SND1: variants seen among roughly 807,000 people sequenced by gnomAD.
SND1 encodes the protein staphylococcal nuclease domain-containing protein 1.
A neutral mutation model predicts 121.7 loss-of-function variants in SND1; 38 were observed. The ratio of observed to expected loss-of-function variants is 0.31; its 90% confidence interval spans 0.24 to 0.41. The LOEUF (loss-of-function observed/expected upper bound fraction) is 0.41, where lower values mean the gene tolerates loss of function less well. Among genes scored for constraint, SND1 ranks in the 10% least tolerant of loss-of-function variants. The pLI is 1.00. For missense variants in SND1, 868 were observed against 1,184.6 expected, an observed-to-expected ratio of 0.73 and a Z score of 3.92; for synonymous variants, 401 against 447.4, an observed-to-expected ratio of 0.90 and a Z score of 1.31.
At position 127,994,890 on chromosome 7, in the gene SND1, G is replaced by GT. The variant is rs553061067; in HGVS notation, c.1779+3839dup. On this transcript the variant is annotated intron_variant, in intron 16 of 23. Transcript: ENST00000354725. Reference sequence around the variant, plus strand: ...CCATGCTCGGCTAATTTTTTTTTTTGTTTTTGTATTTTTAGTAGAGACGGG... The same window carrying GT: ...CCATGCTCGGCTAATTTTTTTTTTTGTTTTTTGTATTTTTAGTAGAGACGGG... 3.7e-4 allele frequency among the ~76,000 whole-genome samples: 55 copies of GT among 150,382 alleles called. No individual in the cohort carries two copies. The South Asian group carries it at 9.9e-3, about 27-fold the overall frequency.
chr7:127,978,542 A>G (rs1802181660), intron 15 of SND1, among the ~76,000 whole-genome samples: 1 of 152,176 alleles, frequency 6.6e-6, no homozygotes, highest in Admixed American at 6.5e-5. Context: ...GATCAGACGT[A>G]CAGGAAAGTG....
intron 16 of SND1, among the ~76,000 whole-genome samples, chr7:128,036,206 T>G (rs1348806684): frequency 1.6e-5 from 2 of 127,406 alleles, no homozygotes; most frequent in Non-Finnish European, 3.2e-5. Context: ...AACACATTTG[T>G]GTGTGTGTGT....
rs1219102275 is a variant in SND1 at position 127,908,174 on chromosome 7, C to T, written c.1527+3355C>T. On this transcript the variant is annotated intron_variant, in intron 14 of 23. Coordinates refer to ENST00000354725, the MANE Select transcript of SND1 (RefSeq NM_014390.4). Reference sequence around the variant, plus strand: ...TGATAAAAAATTTGGCCCTCTAGACCGGGCGTGGTGGCTCACACCTATAAT... The same window carrying T: ...TGATAAAAAATTTGGCCCTCTAGACTGGGCGTGGTGGCTCACACCTATAAT... 3.3e-5 allele frequency among the ~76,000 whole-genome samples: 5 copies of T among 152,014 alleles called. No homozygotes were observed. The South Asian group carries it at 6.2e-4, about 19-fold the overall frequency.
chr7:127,921,469 C>A (rs1800704095), intron 14 of SND1, among the ~76,000 whole-genome samples: 1 of 152,104 alleles, frequency 6.6e-6, no homozygotes, highest in Admixed American at 6.5e-5. Flanking sequence ...ATATTCTCTC[C>A]AAACTACTTA....
chr7:127,962,620 GT>G (rs1801759526), intron 15 of SND1, among the ~76,000 whole-genome samples: 1 of 152,090 alleles, frequency 6.6e-6, no homozygotes, highest in Non-Finnish European at 1.5e-5. Context: ...AATCTGAAAG[GT>G]TAGGTTATGG....
intron 16 of SND1, among the ~76,000 whole-genome samples, chr7:128,046,509 A>G (rs1402207700): frequency 6.6e-6 from 1 of 151,442 alleles, no homozygotes. Flanking sequence ...GATTACAGGC[A>G]TACACCACCA....
intron 1 of SND1, among the ~76,000 whole-genome samples, chr7:127,669,551 C>G (rs549182968): frequency 2.0e-5 from 3 of 152,282 alleles, no homozygotes; most frequent in South Asian, 2.1e-4. Context: ...GGTGTCCGAG[C>G]AAATTCTATC....
intron 16 of SND1, among the ~76,000 whole-genome samples, chr7:128,006,372 A>G (rs1255670625): frequency 6.6e-6 from 1 of 151,826 alleles, no homozygotes; most frequent in Non-Finnish European, 1.5e-5. Context: ...CAGTCTCTTG[A>G]CTCTCATTTG....
chr7:127,931,714 T>G (rs932293877), intron 15 of SND1, among the ~76,000 whole-genome samples: 1 of 152,202 alleles, frequency 6.6e-6, no homozygotes, highest in Non-Finnish European at 1.5e-5. Flanking sequence ...ATGCAGCTGG[T>G]GACTTTAAGT....
intron 16 of SND1, among the ~76,000 whole-genome samples, chr7:128,064,920 A>G (rs907503161): frequency 2.0e-5 from 3 of 152,238 alleles, no homozygotes; most frequent in African/African-American, 7.2e-5. Flanking sequence ...AATTATTTAA[A>G]TGGCAATTAA....
chr7:128,056,519 G>C (rs960585347), intron 16 of SND1, among the ~76,000 whole-genome samples: 1 of 152,164 alleles, frequency 6.6e-6, no homozygotes, highest in Non-Finnish European at 1.5e-5. Flanking sequence ...CATTTCATTC[G>C]ATTCATTTAG....
At chr7:127,923,199 C>T (rs1023462673) in intron 14 of SND1, among the ~76,000 whole-genome samples, 18 of 152,198 alleles carry the variant, frequency 1.2e-4, no homozygotes, top group African/African-American at 4.3e-4. Flanking sequence ...CTCCTAGCCT[C>T]ATGTGATACT....
chr7:127,754,350 G>A (rs1797156640), intron 10 of SND1, among the ~76,000 whole-genome samples: 1 of 152,144 alleles, frequency 6.6e-6, no homozygotes, highest in South Asian at 2.1e-4. Context: ...ATCCTTGCCA[G>A]AACCAAATTT....
At chr7:127,835,901 G>A (rs538336955) in intron 11 of SND1, among the ~76,000 whole-genome samples, 1 of 152,226 alleles carries the variant, frequency 6.6e-6, no homozygotes, top group African/African-American at 2.4e-5. Flanking sequence ...TATATTTTCA[G>A]ATCATTTTAT....
intron 9 of SND1, among the ~76,000 whole-genome samples, chr7:127,715,843 T>C (rs1166918022): frequency 1.3e-5 from 2 of 152,218 alleles, no homozygotes; most frequent in Non-Finnish European, 2.9e-5. Context: ...TTTGTAGTTT[T>C]ATAGGTCTTA....
At chr7:128,012,009 T>G in intron 16 of SND1, among the ~76,000 whole-genome samples, 1 of 152,298 alleles carries the variant, frequency 6.6e-6, no homozygotes, top group East Asian at 1.9e-4. Flanking sequence ...TATACATACA[T>G]TTTATATAAA....
intron 16 of SND1, among the ~76,000 whole-genome samples, chr7:128,022,759 C>A (rs1004499308): frequency 7.4e-6 from 1 of 135,938 alleles, no homozygotes. Flanking sequence ...TAGAGCAGAT[C>A]CCTGAGTGAG....
chr7:127,656,299 C>CTTTTTA (rs1294132283), intron 1 of SND1, among the ~76,000 whole-genome samples: 2 of 149,682 alleles, frequency 1.3e-5, no homozygotes. Flanking sequence ...AGGTTTCTTT[C>CTTTTTA]TTTTTCTTTT....
chr7:127,801,529 C>T (rs1417531661), intron 10 of SND1, among the ~76,000 whole-genome samples: 1 of 152,168 alleles, frequency 6.6e-6, no homozygotes. Flanking sequence ...GAATCTGCAT[C>T]CATACACCTG....
Sources: gnomAD v4.1 joint callset for allele counts (sites outside exome capture counted in the v4.1 genomes callset) on GRCh38, gnomAD v4.1.1 for gene constraint, MANE v1.5 for transcripts, NCBI Gene and HGNC (gene_info 2026-07-23, HGNC 2026-07-21) for gene names.